MED17: variants seen among roughly 807,000 people sequenced by gnomAD.
The protein encoded by MED17 is mediator of RNA polymerase II transcription subunit 17.
In MED17, 49 loss-of-function variants were observed where a neutral mutation model predicts 80.8. That is an observed-to-expected ratio of 0.61 (90% CI 0.48 to 0.77). MED17 has a LOEUF of 0.77. MED17 is among the 30% of genes least tolerant of loss of function. The probability of loss-of-function intolerance (pLI) is 0.00; values close to 1 mark genes in which losing one functional copy is unlikely to be tolerated. For synonymous variants in MED17, 281 were observed against 280.4 expected, an observed-to-expected ratio of 1.00 and a Z score of -0.02; for missense variants, 718 against 787.0, an observed-to-expected ratio of 0.91 and a Z score of 1.05.
chr11:93,788,702 G>A (rs1005797381), intron 2 of MED17: 1 of 145,920 alleles, frequency 6.9e-6, no homozygotes, highest in African/African-American at 2.5e-5. Context: ...AAAAAAGAAT[G>A]TAATACTTTA....
chr11:93,810,348 G>A (rs1944072590), intron 11 of MED17: 1 of 154,168 alleles, frequency 6.5e-6, no homozygotes, highest in African/African-American at 2.4e-5. Flanking sequence ...TAAATAAAGT[G>A]TTTTGTTTTA....
chr11:93,795,283 T>C (rs1040805159), intron 6 of MED17: 3 of 608,952 alleles, frequency 4.9e-6, no homozygotes, highest in Non-Finnish European at 8.6e-6. Context: ...TATTAAAAAT[T>C]TGCACTTATG....
At chr11:93,803,804 C>T (rs574855665) in intron 9 of MED17, among the ~76,000 whole-genome samples, 24 of 151,834 alleles carry the variant, frequency 1.6e-4, no homozygotes, top group Non-Finnish European at 2.5e-4. Context: ...CCAATCTAAA[C>T]GTTGTAAACT....
chr11:93,810,075 A>G (rs527919137), intron 11 of MED17, 199 bp downstream of exon 11: 2 of 591,154 alleles, frequency 3.4e-6, no homozygotes, highest in Non-Finnish European at 2.9e-6. Flanking sequence ...ATTATAATAA[A>G]TGTTTAGATT....
At chr11:93,790,847 G>T in intron 3 of MED17, 54 bp downstream of exon 3, 6 of 1,480,336 alleles carry the variant, frequency 4.1e-6, no homozygotes, top group Non-Finnish European at 5.6e-6. Context: ...TGGCTCATGC[G>T]TGTAATCCTA....
Position 93,794,012 on chromosome 11 carries a change from G to T in MED17, c.836G>T (p.Arg279Leu). The change falls in exon 5 of 12, where the codon CGA (arginine) becomes CTA (leucine). Residue 279 changes from arginine (R) to leucine (L), a missense_variant. Transcript: ENST00000251871. ...CTCGGCACAGTTAACCTCTTCAAAC[G>T]ACCTTTGCCCAAATCCAAACCAGGT... Reference protein sequence around the residue: ...GDLGTVNLFKRPLPKSKPGSP... With the variant: ...GDLGTVNLFKLPLPKSKPGSP... 1 of 1,613,692 alleles carries T rather than the reference G, an allele frequency of 6.2e-7. No individual in the cohort carries two copies. Among genetic ancestry groups the T allele is most frequent in the South Asian group, 1.1e-5 (1 of 91,024 alleles).
chr11:93,795,886 A>G (rs1449592635), intron 6 of MED17: 2 of 164,150 alleles, frequency 1.2e-5, no homozygotes, highest in Admixed American at 5.8e-5. Flanking sequence ...GGCAGCAGCC[A>G]TATTATGTGT....
At chr11:93,791,558 A>C (rs1030209954) in intron 3 of MED17, among the ~76,000 whole-genome samples, 1 of 152,074 alleles carries the variant, frequency 6.6e-6, no homozygotes, top group Non-Finnish European at 1.5e-5. Flanking sequence ...TACAAAAATT[A>C]GCTGGGCGTG....
intron 9 of MED17, among the ~76,000 whole-genome samples, chr11:93,803,998 T>TAC (rs1943993778): frequency 6.7e-4 from 2 of 2,998 alleles, no homozygotes; most frequent in Admixed American, 0.017. Flanking sequence ...TATATGTGTG[T>TAC]GTATATATAT....
chr11:93,788,233 T>G, intron 2 of MED17, 66 bp downstream of exon 2: 1 of 1,366,048 alleles, frequency 7.3e-7, no homozygotes, highest in Non-Finnish European at 1.0e-6. Flanking sequence ...TTTTTTGGCT[T>G]TGTGCCTGTT....
At chr11:93,791,993 G>C (rs1565289219) in intron 3 of MED17, among the ~76,000 whole-genome samples, 1 of 152,068 alleles carries the variant, frequency 6.6e-6, no homozygotes, top group East Asian at 1.9e-4. Flanking sequence ...ATATTTTTTG[G>C]TATAAATTCT....
chr11:93,792,354 G>C (rs1187268420), intron 3 of MED17, among the ~76,000 whole-genome samples: 1 of 152,204 alleles, frequency 6.6e-6, no homozygotes, highest in African/African-American at 2.4e-5. Context: ...ATGAATTAAA[G>C]ATGACAAGAC....
chr11:93,805,778 A>G (rs1229439897), intron 9 of MED17, among the ~76,000 whole-genome samples: 1 of 152,088 alleles, frequency 6.6e-6, no homozygotes, highest in East Asian at 1.9e-4. Context: ...TTTCTTTGAG[A>G]AAACAATGTA....
intron 6 of MED17, 180 bp from the exon 7 acceptor site, chr11:93,796,230 C>A: frequency 1.7e-6 from 1 of 603,860 alleles, no homozygotes; most frequent in Admixed American, 2.6e-5. Context: ...GGATTGCAGG[C>A]GTGAGCCACC....
chr11:93,788,452 C>T (rs1290747184), intron 2 of MED17: 8 of 291,138 alleles, frequency 2.7e-5, no homozygotes, highest in East Asian at 1.8e-4. Context: ...GAGGCCAAGG[C>T]GGGCAGATCA....
chr11:93,793,648 G>A, intron 3 of MED17, 80 bp from the exon 4 acceptor site: 1 of 1,055,668 alleles, frequency 9.5e-7, no homozygotes, highest in Non-Finnish European at 1.4e-6. Context: ...ATGTGGATGT[G>A]AAGTATTATA....
At chr11:93,804,559 CAT>C (rs1944004671) in intron 9 of MED17, among the ~76,000 whole-genome samples, 1 of 152,172 alleles carries the variant, frequency 6.6e-6, no homozygotes, top group African/African-American at 2.4e-5. Flanking sequence ...TATTTACAAG[CAT>C]ATATATCCTA....
At position 93,809,458 on chromosome 11, in the gene MED17, C is replaced by T; in HGVS notation, c.1585-259C>T. ...GATCTAGATGAGAGTCTTCAGTTGG[C>T]CAAATTTATGTCATATGTCTTTGCT... On this transcript the variant is annotated intron_variant, in intron 10 of 11. Transcript: ENST00000251871. 1.4e-5 allele frequency: 7 copies of T among 514,740 alleles called. No homozygotes were observed. The South Asian group carries it at 1.4e-4, about 10-fold the overall frequency. 31.9% of individuals were successfully genotyped at this position (514,740 alleles called of 1,614,324 possible).
At position 93,797,754 on chromosome 11, in the gene MED17, T is replaced by C. The variant is rs186424259; in HGVS notation, c.1328+35T>C. ...AAGAAAGTTACTGTTTTCTGTTTTT[T>C]CTTTGAAATTGCAGTGTTTTCTTCT... On this transcript the variant is annotated intron_variant, in intron 8 of 11. Coordinates refer to ENST00000251871, the MANE Select transcript of MED17 (RefSeq NM_004268.5). The C allele has an allele frequency of 3.8e-6, 6 of 1,568,542 alleles. No homozygotes were observed. The East Asian group carries it at 1.3e-4, about 35-fold the overall frequency.
Sources: gnomAD v4.1 joint callset for allele counts (sites outside exome capture counted in the v4.1 genomes callset) on GRCh38, gnomAD v4.1.1 for gene constraint, MANE v1.5 for transcripts, NCBI Gene and HGNC (gene_info 2026-07-23, HGNC 2026-07-21) for gene names.